The following FBXO47 variants were observed in gnomAD, a reference collection of about 807,000 sequenced individuals.
FBXO47 encodes F-box protein 47.
In FBXO47, 34 loss-of-function variants were observed where a neutral mutation model predicts 53.9. The ratio of observed to expected loss-of-function variants is 0.63; its 90% confidence interval spans 0.48 to 0.84. The LOEUF (loss-of-function observed/expected upper bound fraction) is 0.84, where lower values mean the gene tolerates loss of function less well. FBXO47 is among the 40% of genes least tolerant of loss of function. The pLI, the probability that FBXO47 is intolerant of heterozygous loss-of-function variation, is 0.00. For missense variants in FBXO47, 485 were observed against 541.3 expected (o/e 0.90, Z 1.03); for synonymous variants, 165 against 181.6 (o/e 0.91, Z 0.73).
At chr17:38,947,083 CATATATATAAACATAT>C (rs1002724927) in intron 6 of FBXO47, among the ~76,000 whole-genome samples, 2 of 106,380 alleles carry the variant, frequency 1.9e-5, no homozygotes, top group Admixed American at 2.7e-4. Flanking sequence ...CATATATAAA[CATATATATAAACATAT>C]ATATAAACAT....
chr17:38,966,204 TTTTG>T (rs1036099187), intron 1 of FBXO47, among the ~76,000 whole-genome samples: 11 of 152,176 alleles, frequency 7.2e-5, no homozygotes, highest in Non-Finnish European at 1.0e-4. Context: ...ACAGTAGGCG[TTTTG>T]TTTGTTTGTT....
At chr17:38,962,321 AAAAT>A (rs1471679657) in intron 2 of FBXO47, among the ~76,000 whole-genome samples, 2 of 152,216 alleles carry the variant, frequency 1.3e-5, no homozygotes, top group African/African-American at 4.8e-5. Context: ...AAGATTTAAA[AAAAT>A]TAATTTAGGG....
At chr17:38,951,435 C>T in intron 6 of FBXO47, 146 bp downstream of exon 6, 1 of 552,080 alleles carries the variant, frequency 1.8e-6, no homozygotes, top group Non-Finnish European at 3.2e-6. Context: ...CTCAAGTGAT[C>T]CTCCCACCTT....
Position 38,961,898 on chromosome 17 carries a change from G to C in FBXO47, c.331C>G (p.Leu111Val). The C allele has an allele frequency of 6.2e-7, 1 of 1,613,932 alleles. No homozygotes were observed. Among genetic ancestry groups the C allele is most frequent in the Non-Finnish European group, 8.5e-7 (1 of 1,179,936 alleles). ...LPDRRQDSAI[L>V]EHYRSLGLLF... is the part of the protein sequence containing the mutation. ...TTACCTAGAGATCTGTAGTGCTCCA[G>C]TATAGCAGAGTCTTGTCTCCTGTCA... The change falls in exon 3 of 11, where the codon CTG (leucine) becomes GTG (valine). Residue 111 changes from leucine (L) to valine (V), a missense_variant. By Grantham distance (32) the Leu-to-Val change is conservative (BLOSUM62 1). Transcript: ENST00000378079.
intron 4 of FBXO47, 27 bp from the exon 5 acceptor site, chr17:38,954,960 C>T (rs774476028): frequency 1.3e-6 from 2 of 1,481,960 alleles, no homozygotes; most frequent in Non-Finnish European, 9.3e-7. Context: ...GTTAATACCT[C>T]CTTGTCAGTG....
Position 38,951,732 on chromosome 17 carries a change from A to T in FBXO47, c.508-43T>A, listed in dbSNP as rs764181626. The T allele has an allele frequency of 1.1e-5, 16 of 1,455,258 alleles. No individual in the cohort carries two copies. The Admixed American group carries it at 2.8e-4, about 25-fold the overall frequency. 90.1% of individuals were successfully genotyped at this position (1,455,258 alleles called of 1,614,324 possible). A position where few individuals can be genotyped will look rare whatever the true frequency, so the allele number is the denominator to read the frequency against. On this transcript the variant is annotated intron_variant, in intron 5 of 10. Transcript: ENST00000378079. ...AACATTGTGGATATTCAGACTATCA[A>T]GTCAAAACATAAGTCACACCAGGCA...
At chr17:38,944,773 A>C (rs1904669628) in intron 7 of FBXO47, among the ~76,000 whole-genome samples, 187 bp downstream of exon 7, 1 of 150,602 alleles carries the variant, frequency 6.6e-6, no homozygotes, top group Non-Finnish European at 1.5e-5. Flanking sequence ...TGGGAGGCTG[A>C]GGCAGGAGAA....
At chr17:38,953,909 T>TG (rs2143942354) in intron 5 of FBXO47, among the ~76,000 whole-genome samples, 1 of 152,100 alleles carries the variant, frequency 6.6e-6, no homozygotes, top group African/African-American at 2.4e-5. Context: ...GGAATCTGGG[T>TG]GAGTAGGAGT....
intron 9 of FBXO47, among the ~76,000 whole-genome samples, chr17:38,942,163 C>A (rs1391823121): frequency 1.3e-5 from 2 of 151,992 alleles, no homozygotes; most frequent in African/African-American, 4.8e-5. Flanking sequence ...TGAAGTAAAT[C>A]AAATGGGATG....
intron 4 of FBXO47, among the ~76,000 whole-genome samples, chr17:38,956,554 C>T (rs1392403440): frequency 2.0e-5 from 3 of 150,292 alleles, no homozygotes; most frequent in Non-Finnish European, 4.4e-5. Context: ...TGCTGCTGCA[C>T]TCCAGCCTGG....
intron 1 of FBXO47, among the ~76,000 whole-genome samples, chr17:38,966,707 A>C (rs1249619078): frequency 1.3e-5 from 2 of 152,200 alleles, no homozygotes; most frequent in Non-Finnish European, 2.9e-5. Context: ...AAAAATGATA[A>C]GCCCAAATTC....
intron 3 of FBXO47, among the ~76,000 whole-genome samples, chr17:38,959,550 A>T (rs187332895): frequency 7.0e-6 from 1 of 143,248 alleles, no homozygotes; most frequent in South Asian, 2.3e-4. Context: ...ATTGCACTCC[A>T]GTCTGGGCAA....
chr17:38,941,655 T>C (rs1904518393), intron 9 of FBXO47, among the ~76,000 whole-genome samples: 1 of 147,188 alleles, frequency 6.8e-6, no homozygotes, highest in Non-Finnish European at 1.5e-5. Context: ...TGTATGTGTA[T>C]ATGTATGTGT....
At chr17:38,950,552 G>A (rs539224043) in intron 6 of FBXO47, among the ~76,000 whole-genome samples, 53 of 148,504 alleles carry the variant, frequency 3.6e-4, no homozygotes, top group Middle Eastern at 3.5e-3. Flanking sequence ...CTCCCACTTC[G>A]GCCTCCTAAA....
chr17:38,936,867 C>A lies in FBXO47; in HGVS notation c.*308G>T. On this transcript the variant is annotated 3_prime_UTR_variant, in exon 11 of 11. Coordinates refer to ENST00000378079, the MANE Select transcript of FBXO47 (RefSeq NM_001008777.3). ...TTTTCTCTTGCTTCAAAAATGCATA[C>A]ATACAGGTTGGCTGGTCCCAGATTC... 1 of 214,292 alleles carries A rather than the reference C, an allele frequency of 4.7e-6. No individual in the cohort carries two copies. The highest frequency in any genetic ancestry group is 9.1e-6 in the Non-Finnish European group (1 of 109,750). 13.3% of individuals were successfully genotyped at this position (214,292 alleles called of 1,614,324 possible).
At chr17:38,943,831 TTACTTA>T (rs1257533732) in intron 7 of FBXO47, 95 bp from the exon 8 acceptor site, 28 of 1,053,596 alleles carry the variant, frequency 2.7e-5, no homozygotes, top group Non-Finnish European at 3.8e-5. Flanking sequence ...TGGAATCCCA[TTACTTA>T]TACAAGCTAC....
chr17:38,949,567 A>C (rs546623259), intron 6 of FBXO47, among the ~76,000 whole-genome samples: 3 of 152,280 alleles, frequency 2.0e-5, no homozygotes. Flanking sequence ...ATATAACTCT[A>C]TGTTTAATCA....
chr17:38,949,418 T>TCAAAACAAAA (rs112640612), intron 6 of FBXO47, among the ~76,000 whole-genome samples: 2 of 151,318 alleles, frequency 1.3e-5, no homozygotes, highest in South Asian at 4.2e-4. Context: ...AGACCCTGTC[T>TCAAAACAAAA]CAAAACAAAA....
chr17:38,963,101 C>A, intron 1 of FBXO47, 50 bp from the exon 2 acceptor site: 4 of 1,193,390 alleles, frequency 3.4e-6, no homozygotes, highest in Non-Finnish European at 2.4e-6. Flanking sequence ...GAAATTAAAG[C>A]AAGAAAGAGA....
Sources: gnomAD v4.1 joint callset for allele counts (sites outside exome capture counted in the v4.1 genomes callset) on GRCh38, gnomAD v4.1.1 for gene constraint, MANE v1.5 for transcripts, NCBI Gene and HGNC (gene_info 2026-07-23, HGNC 2026-07-21) for gene names.